AGBL4: variants seen among roughly 807,000 people sequenced by gnomAD.
AGBL4 encodes cytosolic carboxypeptidase 6.
In AGBL4, 58 loss-of-function variants were observed where a neutral mutation model predicts 66.4. That is an observed-to-expected ratio of 0.87 (90% CI 0.71 to 1.09). AGBL4 has a LOEUF of 1.09. Ranked by LOEUF, AGBL4 falls within the 50% of genes least tolerant of loss-of-function variation. AGBL4 has a pLI of 0.00. For synonymous variants in AGBL4, 234 were observed against 222.9 expected, an observed-to-expected ratio of 1.05 and a Z score of -0.44; for missense variants, 579 against 631.0, an observed-to-expected ratio of 0.92 and a Z score of 0.88.
intron 1 of AGBL4, among the ~76,000 whole-genome samples, chr1:49,930,897 T>C (rs1005156648): frequency 3.3e-5 from 5 of 152,150 alleles, no homozygotes; most frequent in Non-Finnish European, 7.4e-5. Flanking sequence ...TATTTGAAAT[T>C]TGAGCCAGGT....
intron 6 of AGBL4, among the ~76,000 whole-genome samples, chr1:48,698,951 C>A (rs181677938): frequency 1.3e-5 from 2 of 152,322 alleles, no homozygotes; most frequent in East Asian, 1.9e-4. Context: ...ATCACCTCCC[C>A]ACATCTTTAA....
intron 3 of AGBL4, among the ~76,000 whole-genome samples, chr1:49,422,561 A>T (rs1645568387): frequency 6.6e-6 from 1 of 152,142 alleles, no homozygotes; most frequent in African/African-American, 2.4e-5. Context: ...ACTGCTGCTA[A>T]CCTCCTTGTG....
intron 4 of AGBL4, among the ~76,000 whole-genome samples, chr1:49,169,042 T>C (rs998086033): frequency 6.6e-6 from 1 of 152,150 alleles, no homozygotes; most frequent in African/African-American, 2.4e-5. Flanking sequence ...CTATATCTCT[T>C]CTCCATATTA....
chr1:49,376,044 G>A (rs1273978817), intron 3 of AGBL4, among the ~76,000 whole-genome samples: 1 of 152,074 alleles, frequency 6.6e-6, no homozygotes, highest in East Asian at 1.9e-4. Flanking sequence ...CCTGTATATT[G>A]TATGAAAAGA....
intron 4 of AGBL4, among the ~76,000 whole-genome samples, chr1:49,105,335 A>C (rs964125376): frequency 3.3e-5 from 5 of 152,164 alleles, no homozygotes; most frequent in Admixed American, 6.5e-5. Context: ...GGGATTATTT[A>C]AGAGGTCTCT....
At chr1:49,290,864 G>C (rs1177390719) in intron 3 of AGBL4, among the ~76,000 whole-genome samples, 2 of 152,094 alleles carry the variant, frequency 1.3e-5, no homozygotes, top group Admixed American at 6.5e-5. Flanking sequence ...ATTAAAATTA[G>C]CCAAGCATAG....
intron 2 of AGBL4, among the ~76,000 whole-genome samples, chr1:49,708,647 A>G (rs1647392198): frequency 1.3e-5 from 2 of 151,838 alleles, no homozygotes; most frequent in Non-Finnish European, 2.9e-5. Flanking sequence ...AGTTTTTTGA[A>G]TTTTCAGCCT....
intron 5 of AGBL4, among the ~76,000 whole-genome samples, chr1:48,898,645 G>A (rs1165880061): frequency 2.2e-5 from 1 of 45,758 alleles, no homozygotes; most frequent in Non-Finnish European, 6.0e-5. Context: ...ATTGGTCTAT[G>A]TGCTTATTTT....
chr1:49,112,282 A>G (rs1569612279), intron 4 of AGBL4, among the ~76,000 whole-genome samples: 1 of 152,222 alleles, frequency 6.6e-6, no homozygotes, highest in Non-Finnish European at 1.5e-5. Context: ...ATTAAATAAG[A>G]TACCGTATTT....
chr1:48,708,286 C>A (rs1423543219), intron 6 of AGBL4, among the ~76,000 whole-genome samples: 3 of 152,140 alleles, frequency 2.0e-5, no homozygotes, highest in Non-Finnish European at 2.9e-5. Flanking sequence ...ACACCCAGGG[C>A]AGGTGATGTG....
chr1:49,471,980 C>T (rs936178850), intron 3 of AGBL4: 1 of 151,982 alleles, frequency 6.6e-6, no homozygotes, highest in African/African-American at 2.4e-5. Context: ...TGTGGGGTAC[C>T]AGAACTTTTA....
At chr1:49,102,031 T>TAGAGAGAG (rs10674266) in intron 4 of AGBL4, among the ~76,000 whole-genome samples, 1 of 145,752 alleles carries the variant, frequency 6.9e-6, no homozygotes, top group African/African-American at 2.5e-5. Context: ...GGGAGAGAGA[T>TAGAGAGAG]AGAGAGAGAG....
At chr1:48,847,947 G>A (rs1405640826) in intron 6 of AGBL4, among the ~76,000 whole-genome samples, 2 of 152,104 alleles carry the variant, frequency 1.3e-5, no homozygotes, top group Non-Finnish European at 2.9e-5. Context: ...ATTAGCAGAA[G>A]GGCCACACAC....
chr1:48,844,839 G>A (rs1325944774), intron 6 of AGBL4, among the ~76,000 whole-genome samples: 2 of 152,164 alleles, frequency 1.3e-5, no homozygotes, highest in Non-Finnish European at 2.9e-5. Context: ...AGCAGGTAGG[G>A]ACATGTCTGA....
intron 5 of AGBL4, among the ~76,000 whole-genome samples, chr1:48,934,972 T>C (rs186292444): frequency 7.9e-5 from 12 of 152,332 alleles, no homozygotes; most frequent in Admixed American, 3.3e-4. Flanking sequence ...GTCAAACTTC[T>C]ACTTCATATT....
intron 6 of AGBL4, among the ~76,000 whole-genome samples, chr1:48,811,500 G>A (rs1482745919): frequency 6.6e-6 from 1 of 152,158 alleles, no homozygotes; most frequent in African/African-American, 2.4e-5. Flanking sequence ...CTGATAATTA[G>A]GGTCTAAGAT....
At chr1:48,644,632 A>T (rs969508362) in intron 8 of AGBL4, among the ~76,000 whole-genome samples, 8 of 152,216 alleles carry the variant, frequency 5.3e-5, no homozygotes, top group Non-Finnish European at 1.2e-4. Flanking sequence ...TGTGAGCAAG[A>T]GCAGGCTGGT....
chr1:48,627,023 A>G (rs1645513945), intron 9 of AGBL4, among the ~76,000 whole-genome samples: 1 of 151,970 alleles, frequency 6.6e-6, no homozygotes, highest in Non-Finnish European at 1.5e-5. Context: ...CGTGGGGTGT[A>G]TGAGGGGTAT....
chr1:49,385,160 G>A (rs905654697), intron 3 of AGBL4, among the ~76,000 whole-genome samples: 8 of 152,104 alleles, frequency 5.3e-5, no homozygotes, highest in Non-Finnish European at 8.8e-5. Context: ...GAGGAAAAAA[G>A]GGGTTGTTCA....
Sources: gnomAD v4.1 joint callset for allele counts (sites outside exome capture counted in the v4.1 genomes callset) on GRCh38, gnomAD v4.1.1 for gene constraint, MANE v1.5 for transcripts, NCBI Gene and HGNC (gene_info 2026-07-23, HGNC 2026-07-21) for gene names.